GPM6A: variants seen among roughly 807,000 people sequenced by gnomAD.
GPM6A encodes the protein glycoprotein M6A.
GPM6A carries 7 observed loss-of-function variants against 32.1 expected under a neutral mutation model. The ratio of observed to expected loss-of-function variants is 0.22; its 90% CI spans 0.12 to 0.41. The LOEUF (loss-of-function observed/expected upper bound fraction) is 0.41. Among genes scored for constraint, GPM6A ranks in the 10% least tolerant of loss-of-function variants. GPM6A has a pLI of 1.00. For synonymous variants in GPM6A, 130 were observed against 123.4 expected, an observed-to-expected ratio of 1.05 and a Z score of -0.35; for missense variants, 235 against 347.2, an observed-to-expected ratio of 0.68 and a Z score of 2.57.
At chr4:175,926,410 A>AT (rs1282805575) in intron 1 of GPM6A, among the ~76,000 whole-genome samples, 1 of 152,198 alleles carries the variant, frequency 6.6e-6, no homozygotes, top group African/African-American at 2.4e-5. Context: ...GTATTTAGAA[A>AT]TATATTGGAT....
intron 1 of GPM6A, among the ~76,000 whole-genome samples, chr4:175,967,630 A>G (rs1740369515): frequency 6.6e-6 from 1 of 152,188 alleles, no homozygotes. Flanking sequence ...GCCAGCAATG[A>G]GCATTTGGAA....
In GPM6A at chr4:175,640,179, G is replaced by A. The variant is rs1457014597; in HGVS notation, c.634C>T (p.His212Tyr). 2 of 1,613,564 alleles carry A rather than the reference G, an allele frequency of 1.2e-6. No individual in the cohort carries two copies. Among genetic ancestry groups the A allele is most frequent in the Admixed American group, 1.7e-5 (1 of 59,990 alleles). The change falls in exon 6 of 7, where the codon CAC (histidine) becomes TAC (tyrosine). Residue 212 changes from histidine to tyrosine, a missense_variant. His to Tyr is a moderately conservative substitution (Grantham distance 83). Coordinates refer to ENST00000393658, the MANE Select transcript of GPM6A (RefSeq NM_201591.3). ...CESTELNMTF[H>Y]LFIVALAGAG... is the part of the protein sequence containing the mutation. Reference sequence around the variant, plus strand: ...CCAGCAAGTGCCACAATAAACAAGTGGAAGGTCATGTTCAGCTGCAATGGA... The same window carrying A: ...CCAGCAAGTGCCACAATAAACAAGTAGAAGGTCATGTTCAGCTGCAATGGA...
intron 1 of GPM6A, among the ~76,000 whole-genome samples, chr4:175,802,485 C>T (rs867455455): frequency 1.8e-4 from 27 of 151,990 alleles, no homozygotes; most frequent in African/African-American, 6.3e-4. Flanking sequence ...GACTATATAC[C>T]AATTAAAATA....
chr4:175,745,345 G>T (rs1398922424), intron 1 of GPM6A, among the ~76,000 whole-genome samples: 1 of 152,148 alleles, frequency 6.6e-6, no homozygotes, highest in Admixed American at 6.6e-5. Context: ...GTTTTCTTGG[G>T]CCACTTCCTC....
At position 175,766,357 on chromosome 4, in the gene GPM6A, T is replaced by C. The variant is rs80091657; in HGVS notation, c.37+45834A>G. On this transcript the variant is annotated intron_variant, in intron 1 of 6. Coordinates refer to ENST00000393658, the MANE Select transcript of GPM6A (RefSeq NM_201591.3). Reference sequence around the variant, plus strand: ...TTCTGAAATGCAGCAGCTCTAATCATGTTAGGAAAACATTCGCTCAGTAAA... The same window carrying C: ...TTCTGAAATGCAGCAGCTCTAATCACGTTAGGAAAACATTCGCTCAGTAAA... Among the ~76,000 whole-genome samples, 117 of 152,300 alleles carry C rather than the reference T, an allele frequency of 7.7e-4. 2 individuals are homozygous for C. In the East Asian group the frequency reaches 0.021, roughly 27 times the overall value.
rs1279024919 is a variant in GPM6A, at chr4:175,634,499, A to G, written c.*406T>C. 6.1e-6 allele frequency: 1 copy of G among 162,950 alleles called. No homozygotes were observed. Among genetic ancestry groups the G allele is most frequent in the African/African-American group, 2.4e-5 (1 of 41,514 alleles). The allele number at this position is 162,950 out of a possible 1,614,324, so 10.1% of individuals were successfully genotyped here. ...AAGGTTACCTGTAGTTAAACTAGTT[A>G]CCGAAATCAAAACTAAAAAGTATAA... On this transcript the variant is annotated 3_prime_UTR_variant, in exon 7 of 7. Transcript: ENST00000393658.
chr4:175,985,077 A>T (rs1446146261), intron 1 of GPM6A, among the ~76,000 whole-genome samples: 1 of 152,214 alleles, frequency 6.6e-6, no homozygotes, highest in Non-Finnish European at 1.5e-5. Flanking sequence ...ATGTCAATTT[A>T]TAGAACATCT....
chr4:175,732,217 G>A (rs369126474), intron 1 of GPM6A, among the ~76,000 whole-genome samples: 8 of 151,830 alleles, frequency 5.3e-5, no homozygotes, highest in South Asian at 2.1e-4. Context: ...CGCCCGCCTC[G>A]GCCTCCCACA....
chr4:175,880,656 A>G (rs2111456664), intron 1 of GPM6A, among the ~76,000 whole-genome samples: 1 of 152,292 alleles, frequency 6.6e-6, no homozygotes, highest in Non-Finnish European at 1.5e-5. Flanking sequence ...GCAATTGTGA[A>G]TGGGAGTTCA....
chr4:175,697,527 C>T (rs1216017368), intron 2 of GPM6A, among the ~76,000 whole-genome samples: 1 of 152,028 alleles, frequency 6.6e-6, no homozygotes, highest in Non-Finnish European at 1.5e-5. Context: ...GAAATAACTC[C>T]TAATGGATAA....
At chr4:175,909,881 T>TA (rs1396963350) in intron 1 of GPM6A, among the ~76,000 whole-genome samples, 1 of 151,938 alleles carries the variant, frequency 6.6e-6, no homozygotes, top group Non-Finnish European at 1.5e-5. Context: ...AAATATAAAT[T>TA]AAAAAAAGAG....
intron 1 of GPM6A, among the ~76,000 whole-genome samples, chr4:175,994,683 A>G (rs974556586): frequency 1.3e-5 from 2 of 152,154 alleles, no homozygotes; most frequent in East Asian, 3.9e-4. Flanking sequence ...GTGGTTGCTG[A>G]AGGTGGTTGG....
chr4:175,825,564 A>G (rs997055569), intron 1 of GPM6A, among the ~76,000 whole-genome samples: 1 of 152,244 alleles, frequency 6.6e-6, no homozygotes, highest in South Asian at 2.1e-4. Context: ...ATGAAAATAT[A>G]TCAGAATGAG....
intron 1 of GPM6A, among the ~76,000 whole-genome samples, chr4:175,919,025 T>C (rs1738584542): frequency 6.6e-6 from 1 of 152,152 alleles, no homozygotes; most frequent in African/African-American, 2.4e-5. Context: ...CACTAATAAA[T>C]TGATATAAAA....
At chr4:175,733,117 A>G (rs1731503616) in intron 1 of GPM6A, among the ~76,000 whole-genome samples, 1 of 152,134 alleles carries the variant, frequency 6.6e-6, no homozygotes, top group Non-Finnish European at 1.5e-5. Flanking sequence ...GTACAAAATC[A>G]CTGTTTTTTT....
At chr4:175,971,201 C>T (rs1179826188) in intron 1 of GPM6A, among the ~76,000 whole-genome samples, 5 of 151,038 alleles carry the variant, frequency 3.3e-5, no homozygotes, top group Admixed American at 2.6e-4. Context: ...AAACTGTAGG[C>T]TGCAAGGTTA....
chr4:175,720,526 T>C (rs1031828824), intron 1 of GPM6A, among the ~76,000 whole-genome samples: 4 of 152,216 alleles, frequency 2.6e-5, no homozygotes, highest in African/African-American at 9.6e-5. Flanking sequence ...ACTCCTGTAC[T>C]GTGGGCCACA....
chr4:175,668,388 AC>A (rs1376559624), intron 3 of GPM6A, among the ~76,000 whole-genome samples: 1 of 150,980 alleles, frequency 6.6e-6, no homozygotes, highest in African/African-American at 2.4e-5. Context: ...CCTACACCCC[AC>A]CCCCCAAATC....
At chr4:175,715,455 C>T (rs1250267901) in intron 1 of GPM6A, among the ~76,000 whole-genome samples, 1 of 152,146 alleles carries the variant, frequency 6.6e-6, no homozygotes, top group Non-Finnish European at 1.5e-5. Context: ...TACGGCACCT[C>T]AGCTAGCATG....
Sources: allele counts gnomAD v4.1 joint callset (sites outside exome capture counted in the v4.1 genomes callset), GRCh38; gene constraint gnomAD v4.1.1; transcripts MANE v1.5; gene names NCBI Gene and HGNC (gene_info 2026-07-23, HGNC 2026-07-21).